MTCL3: variants seen among roughly 807,000 people sequenced by gnomAD.
MTCL3 encodes MTCL family member 3, also known as microtubule cross-linking factor 3.
chr6:127,474,857 A>T, the MTCL3 span, among the ~76,000 whole-genome samples: 1 of 152,096 alleles, frequency 6.6e-6, no homozygotes, highest in African/African-American at 2.4e-5. Flanking sequence ...CATTTTTTTT[A>T]AATCCTAAAC....
chr6:127,489,455 A>G, the MTCL3 span, among the ~76,000 whole-genome samples: 1 of 152,250 alleles, frequency 6.6e-6, no homozygotes, highest in Non-Finnish European at 1.5e-5. Context: ...TGACGTAGGC[A>G]TGTCCAAAGC....
the MTCL3 span, chr6:127,475,893 C>T: frequency 6.3e-5 from 102 of 1,613,458 alleles, no homozygotes; most frequent in Non-Finnish European, 8.4e-5. This position sits in a 1 kb window ranked among gnomAD's most constrained non-coding sequence, Gnocchi z 7.3. Context: ...GCTCGTTGAT[C>T]TGCAGGCGCG....
the MTCL3 span, chr6:127,518,502 T>C: frequency 3.3e-5 from 5 of 152,264 alleles, no homozygotes. Context: ...CCAACACTTT[T>C]AATCTCAAGT....
At chr6:127,491,714 T>A in the MTCL3 span, among the ~76,000 whole-genome samples, 1 of 151,622 alleles carries the variant, frequency 6.6e-6, no homozygotes, top group East Asian at 1.9e-4. Flanking sequence ...CTACAAAAAT[T>A]TTTTAAAAGT....
the MTCL3 span, chr6:127,475,158 A>T: frequency 2.3e-6 from 2 of 873,786 alleles, no homozygotes; most frequent in Non-Finnish European, 3.3e-6. This position sits in a 1 kb window ranked among gnomAD's most constrained non-coding sequence, Gnocchi z 7.3. Flanking sequence ...CGGGGGTTTC[A>T]GGCCCCAGCG....
the MTCL3 span, among the ~76,000 whole-genome samples, chr6:127,517,226 C>T: frequency 3.3e-5 from 5 of 152,258 alleles, no homozygotes; most frequent in East Asian, 1.9e-4. Context: ...ATATTTTCTA[C>T]GGATAAATGA....
the MTCL3 span, among the ~76,000 whole-genome samples, chr6:127,492,302 C>A: frequency 8.8e-6 from 1 of 113,184 alleles, no homozygotes; most frequent in South Asian, 2.6e-4. Flanking sequence ...ACACATCTAC[C>A]AAACATTCTT....
chr6:127,517,227 G>A, the MTCL3 span, among the ~76,000 whole-genome samples: 4 of 152,110 alleles, frequency 2.6e-5, no homozygotes, highest in South Asian at 2.1e-4. Context: ...TATTTTCTAC[G>A]GATAAATGAC....
chr6:127,513,657 G>A, the MTCL3 span, among the ~76,000 whole-genome samples: 1 of 152,086 alleles, frequency 6.6e-6, no homozygotes, highest in African/African-American at 2.4e-5. Flanking sequence ...GATTATCCTG[G>A]AAATTCTAGG....
the MTCL3 span, among the ~76,000 whole-genome samples, chr6:127,496,057 C>G: frequency 4.6e-5 from 7 of 152,166 alleles, no homozygotes; most frequent in African/African-American, 1.7e-4. Context: ...TGGTGAAACC[C>G]CATCTCTACT....
the MTCL3 span, chr6:127,515,540 G>A: frequency 1.4e-6 from 2 of 1,459,210 alleles, no homozygotes; most frequent in Non-Finnish European, 9.0e-7. The surrounding 1 kb of genome is among the most constrained non-coding windows in gnomAD (Gnocchi z 4.3). Flanking sequence ...TCCTCTCGCA[G>A]CTTCTCCATC....
At chr6:127,481,687 A>C in the MTCL3 span, among the ~76,000 whole-genome samples, 1 of 152,172 alleles carries the variant, frequency 6.6e-6, no homozygotes. Flanking sequence ...CAACTGACAT[A>C]GTTTAAAGGT....
chr6:127,487,753 A>C, the MTCL3 span, among the ~76,000 whole-genome samples: 1 of 152,214 alleles, frequency 6.6e-6, no homozygotes, highest in South Asian at 2.1e-4. Flanking sequence ...GGCACATGCC[A>C]GGGTGATCAA....
the MTCL3 span, among the ~76,000 whole-genome samples, chr6:127,493,659 T>C: frequency 1.3e-5 from 2 of 152,186 alleles, no homozygotes; most frequent in African/African-American, 4.8e-5. Flanking sequence ...GTACCGTTCC[T>C]ATCTTTTGAG....
the MTCL3 span, among the ~76,000 whole-genome samples, chr6:127,480,590 A>G: frequency 6.6e-6 from 1 of 152,220 alleles, no homozygotes; most frequent in Non-Finnish European, 1.5e-5. Context: ...AAAAGGAGAC[A>G]TGGGAGTATT....
chr6:127,490,496 A>G, the MTCL3 span, among the ~76,000 whole-genome samples: 1 of 151,978 alleles, frequency 6.6e-6, no homozygotes, highest in Admixed American at 6.6e-5. Flanking sequence ...TCTTCTGGAA[A>G]GAAATGGCAT....
chr6:127,478,015 C>T, the MTCL3 span, among the ~76,000 whole-genome samples: 2 of 152,128 alleles, frequency 1.3e-5, no homozygotes, highest in Non-Finnish European at 2.9e-5. Context: ...TTGCCTTGTA[C>T]ACTTTCCTCT....
the MTCL3 span, chr6:127,514,790 T>G: frequency 2.5e-6 from 4 of 1,584,902 alleles, no homozygotes; most frequent in Non-Finnish European, 2.6e-6. Flanking sequence ...CCACCGCCCC[T>G]GCCGCGCGCC....
the MTCL3 span, among the ~76,000 whole-genome samples, chr6:127,486,115 T>G: frequency 2.0e-5 from 3 of 152,286 alleles, 1 homozygote; most frequent in South Asian, 6.2e-4. Context: ...TGGGCAATGT[T>G]AAAATGAGAC....
Sources: gnomAD v4.1 joint callset for allele counts (sites outside exome capture counted in the v4.1 genomes callset) on GRCh38, gnomAD v4.1.1 for gene constraint, Gnocchi (gnomAD v3.1) non-coding constraint, MANE v1.5 for transcripts, NCBI Gene and HGNC (gene_info 2026-07-23, HGNC 2026-07-21) for gene names.